The following RRN3 variants were observed in gnomAD, a reference collection of about 807,000 sequenced individuals.
The protein encoded by RRN3 is RNA polymerase I transcription factor RRN3, also known as RNA polymerase I-specific transcription initiation factor RRN3.
A neutral mutation model predicts 82.3 loss-of-function variants in RRN3; 38 were observed. The ratio of observed to expected loss-of-function variants is 0.46; its 90% CI spans 0.36 to 0.61. The LOEUF is 0.61. Among genes scored for constraint, RRN3 ranks in the 20% least tolerant of loss-of-function variants. The pLI is 0.00. For synonymous variants in RRN3, 284 were observed against 284.3 expected (o/e 1.00, Z 0.01); for missense variants, 726 against 793.1 (o/e 0.92, Z 1.02).
chr16:15,087,723 C>G (rs2045964226), intron 3 of RRN3, among the ~76,000 whole-genome samples: 1 of 152,192 alleles, frequency 6.6e-6, no homozygotes, highest in Admixed American at 6.5e-5. Flanking sequence ...AGAAAACAAG[C>G]TAAGTTAGTG....
intron 3 of RRN3, among the ~76,000 whole-genome samples, chr16:15,087,997 C>T (rs1288667390): frequency 6.6e-6 from 1 of 152,022 alleles, no homozygotes; most frequent in African/African-American, 2.4e-5. Context: ...GCCCGTAATC[C>T]CAGCTACTCG....
At chr16:15,073,900 AT>A (rs1451578508) in intron 11 of RRN3, among the ~76,000 whole-genome samples, 2 of 152,116 alleles carry the variant, frequency 1.3e-5, no homozygotes, top group African/African-American at 2.4e-5. Context: ...TTCAATAACA[AT>A]TATTTTAAAA....
chr16:15,080,912 A>G (rs1161484543), intron 8 of RRN3, among the ~76,000 whole-genome samples: 1 of 151,922 alleles, frequency 6.6e-6, no homozygotes, highest in African/African-American at 2.4e-5. Flanking sequence ...CATTCCTCTC[A>G]TATCAATGGA....
At chr16:15,090,099 A>G (rs2046072907) in intron 3 of RRN3, among the ~76,000 whole-genome samples, 1 of 151,842 alleles carries the variant, frequency 6.6e-6, no homozygotes, top group Admixed American at 6.6e-5. Flanking sequence ...AATCTCAGCT[A>G]TTTGGGAGGC....
chr16:15,086,130 A>G lies in RRN3; in HGVS notation c.471T>C (p.Pro157=). 1.2e-6 allele frequency: 2 copies of G among 1,605,476 alleles called. No individual in the cohort carries two copies. Among genetic ancestry groups the G allele is most frequent in the African/African-American group, 1.3e-5 (1 of 74,388 alleles). ...CLSMIASHFV[P]PRVIIKEGDV... ...ATAAAATTCCAAGCAATGACTTACG[A>G]GGCACAAAATGGGAAGCAATCATGC... Residue 157 remains proline, a splice_region_variant and synonymous_variant, in exon 5 of 18, where the codon CCT becomes CCC. Coordinates refer to ENST00000198767, the MANE Select transcript of RRN3 (RefSeq NM_018427.5).
At chr16:15,079,137 A>G (rs1369811562) in intron 9 of RRN3, among the ~76,000 whole-genome samples, 1 of 150,472 alleles carries the variant, frequency 6.6e-6, no homozygotes, top group African/African-American at 2.4e-5. Context: ...ACTACCATTA[A>G]TGGCAACACC....
At chr16:15,078,316 C>T in intron 9 of RRN3, among the ~76,000 whole-genome samples, 1 of 152,136 alleles carries the variant, frequency 6.6e-6, no homozygotes, top group Non-Finnish European at 1.5e-5. Context: ...AGTCCACAAA[C>T]CTGCTCACGT....
chr16:15,069,995 A>C, intron 14 of RRN3, 75 bp downstream of exon 14: 3 of 1,221,426 alleles, frequency 2.5e-6, no homozygotes, highest in Non-Finnish European at 1.2e-6. Context: ...AAATCTCAAA[A>C]AAGTAATGAA....
At chr16:15,084,569 T>C in intron 7 of RRN3, 73 bp downstream of exon 7, 1 of 1,105,686 alleles carries the variant, frequency 9.0e-7, no homozygotes, top group East Asian at 2.6e-5. Context: ...ACTATTAACA[T>C]TTTATAATTT....
Position 15,065,234 on chromosome 16 carries a change from G to A in RRN3, c.1691C>T (p.Pro564Leu). ...AAGTACCTACCTCTTCAGCACACAGGGATCAAAGGGGAAGAAGGTGTCCAG... is the reference window on the plus strand; with the variant it reads ...AAGTACCTACCTCTTCAGCACACAGAGATCAAAGGGGAAGAAGGTGTCCAG... ...NPLDTFFPFD[P>L]CVLKRSKKFI... is the part of the protein sequence containing the mutation. The change falls in exon 16 of 18, where the codon CCC becomes CTC. Residue 564 changes from proline (P) to leucine (L), a missense_variant. Coordinates refer to ENST00000198767, the MANE Select transcript of RRN3 (RefSeq NM_018427.5). 1.9e-6 allele frequency: 3 copies of A among 1,613,400 alleles called. No homozygotes were observed. Among genetic ancestry groups the A allele is most frequent in the African/African-American group, 2.7e-5 (2 of 74,962 alleles).
chr16:15,093,372 C>T (rs2046217633), intron 1 of RRN3, among the ~76,000 whole-genome samples: 1 of 152,282 alleles, frequency 6.6e-6, no homozygotes, highest in African/African-American at 2.4e-5. Context: ...ATCTCAAAAG[C>T]TCCTTCTCTC....
chr16:15,080,833 T>A (rs1377160513), intron 8 of RRN3, among the ~76,000 whole-genome samples: 15 of 149,446 alleles, frequency 1.0e-4, no homozygotes, highest in Non-Finnish European at 1.8e-4. Context: ...TCTGCCTCTT[T>A]GACATTTCAT....
intron 11 of RRN3, 61 bp from the exon 12 acceptor site, chr16:15,073,141 A>G (rs1467541958): frequency 1.3e-6 from 2 of 1,550,276 alleles, no homozygotes; most frequent in East Asian, 2.2e-5. Context: ...TTCATCTGCC[A>G]TATTTTTTAT....
At position 15,090,216 on chromosome 16, in the gene RRN3, A is replaced by G. The variant is rs189934024; in HGVS notation, c.252+1099T>C. ...TAAGAAGGAGACTTTGTCTTAAAAA[A>G]AAAGTCCACTGAAATCAGCATGTAA... On this transcript the variant is annotated intron_variant, in intron 3 of 17. Coordinates refer to ENST00000198767, the MANE Select transcript of RRN3 (RefSeq NM_018427.5). Among the ~76,000 whole-genome samples, 80 of 152,256 alleles carry G rather than the reference A, an allele frequency of 5.3e-4. 1 individual carries two copies. The East Asian group carries it at 0.015, about 29-fold the overall frequency.
chr16:15,072,798 A>G, intron 12 of RRN3, 152 bp downstream of exon 12: 2 of 771,536 alleles, frequency 2.6e-6, no homozygotes. Context: ...ACAAAAAAAG[A>G]AAGGAGAATG....
At chr16:15,078,276 G>A (rs916330947) in intron 9 of RRN3, among the ~76,000 whole-genome samples, 4 of 152,054 alleles carry the variant, frequency 2.6e-5, no homozygotes, top group African/African-American at 9.7e-5. Context: ...TAGCATCAAT[G>A]TTTTCCTCCA....
At chr16:15,086,914 T>TA (rs1364380117) in intron 3 of RRN3, among the ~76,000 whole-genome samples, 1 of 152,250 alleles carries the variant, frequency 6.6e-6, no homozygotes, top group Admixed American at 6.5e-5. Context: ...ATAACTTTTC[T>TA]AAACCAAACC....
intron 8 of RRN3, among the ~76,000 whole-genome samples, chr16:15,082,270 A>C (rs2045739392): frequency 1.3e-5 from 2 of 152,174 alleles, no homozygotes; most frequent in African/African-American, 4.8e-5. Context: ...TTTTCTCGTA[A>C]AAGGATATTG....
chr16:15,075,401 G>A (rs567275804), intron 10 of RRN3, among the ~76,000 whole-genome samples: 1 of 151,932 alleles, frequency 6.6e-6, no homozygotes, highest in Admixed American at 6.6e-5. Context: ...AGTGAGACCT[G>A]TCTCTACAAA....
Sources: gnomAD v4.1 joint callset for allele counts (sites outside exome capture counted in the v4.1 genomes callset) on GRCh38, gnomAD v4.1.1 for gene constraint, MANE v1.5 for transcripts, NCBI Gene and HGNC (gene_info 2026-07-23, HGNC 2026-07-21) for gene names.